Variants in NFS1 observed in about 807,000 individuals in gnomAD.
NFS1 encodes the protein NFS1 cysteine desulfurase.
NFS1 carries 26 observed loss-of-function variants against 57.3 expected under a neutral mutation model. The ratio of observed to expected loss-of-function variants is 0.45; its 90% CI spans 0.33 to 0.63. The LOEUF is 0.63. Ranked by LOEUF, NFS1 falls within the 20% of genes least tolerant of loss-of-function variation. The pLI is 0.02. For synonymous variants in NFS1, 209 were observed against 216.3 expected, an observed-to-expected ratio of 0.97 and a Z score of 0.30; for missense variants, 505 against 605.8, an observed-to-expected ratio of 0.83 and a Z score of 1.75.
intron 6 of NFS1, among the ~76,000 whole-genome samples, chr20:35,681,436 G>A (rs1056117463): frequency 6.6e-6 from 1 of 152,210 alleles, no homozygotes; most frequent in Non-Finnish European, 1.5e-5. Flanking sequence ...AGTGGCTCAC[G>A]CCTGTAATCC....
intron 4 of NFS1, among the ~76,000 whole-genome samples, chr20:35,694,333 CG>C (rs1456717272): frequency 5.9e-5 from 9 of 151,884 alleles, no homozygotes; most frequent in South Asian, 2.1e-4. Flanking sequence ...TTAGTAGAGA[CG>C]GGGTTTTACC....
intron 10 of NFS1, 104 bp from the exon 11 acceptor site, chr20:35,673,788 C>A: frequency 1.2e-6 from 1 of 817,222 alleles, no homozygotes; most frequent in East Asian, 2.6e-5. Context: ...GAGTCATACC[C>A]TGGAGAAAAC....
rs919674815 is a variant in NFS1 at position 35,668,843 on chromosome 20, T to G, written c.*779A>C. 1 of 152,212 alleles carries G rather than the reference T, an allele frequency of 6.6e-6. No homozygotes were observed. Among genetic ancestry groups the G allele is most frequent in the African/African-American group, 2.4e-5 (1 of 41,460 alleles). The allele number at this position is 152,212 out of a possible 1,614,324, so 9.4% of individuals were successfully genotyped here. A position where few individuals can be genotyped will look rare whatever the true frequency, so the allele number is the denominator to read the frequency against. On this transcript the variant is annotated 3_prime_UTR_variant, in exon 13 of 13. Transcript: ENST00000374092. The stretch of plus-strand genomic sequence containing the variant: ...CTCCTGGCAGGCATTCAAATAATTC[T>G]TAAATGAAGAGATACAAAAGCCCAC...
At chr20:35,678,176 C>T (rs564385387) in intron 7 of NFS1, among the ~76,000 whole-genome samples, 224 of 150,954 alleles carry the variant, frequency 1.5e-3, no homozygotes, top group African/African-American at 2.7e-3. Flanking sequence ...AGTGAAACCC[C>T]GTCTCTACAA....
chr20:35,683,781 A>G (rs1431888853), intron 5 of NFS1, among the ~76,000 whole-genome samples: 1 of 128,310 alleles, frequency 7.8e-6, no homozygotes, highest in South Asian at 2.5e-4. Context: ...ACAGAGTGAG[A>G]CTCCATCTCA....
chr20:35,683,604 C>A (rs1333215212), intron 5 of NFS1, among the ~76,000 whole-genome samples: 1 of 151,190 alleles, frequency 6.6e-6, no homozygotes, highest in Non-Finnish European at 1.5e-5. Context: ...CATGGTGAAA[C>A]CTTGTCTCTA....
Position 35,699,331 on chromosome 20 carries a change from T to G in NFS1, c.-43A>C, listed in dbSNP as rs1555885330. The G allele has an allele frequency of 7.2e-6, 10 of 1,397,004 alleles. No individual in the cohort carries two copies. The highest frequency in any genetic ancestry group is 9.3e-6 in the Non-Finnish European group (10 of 1,078,966). 86.5% of individuals were successfully genotyped at this position (1,397,004 alleles called of 1,614,324 possible). On this transcript the variant is annotated 5_prime_UTR_variant, in exon 1 of 13. Transcript: ENST00000374092. This position sits in a 1 kb window ranked among gnomAD's most constrained non-coding sequence, Gnocchi z 4.4. ...CCACCTTCCGAAGCCGCTGCAGTCCTGGGCCCCAGGCTCCCGGAAGTGCTG... is the reference window on the plus strand; with the variant it reads ...CCACCTTCCGAAGCCGCTGCAGTCCGGGGCCCCAGGCTCCCGGAAGTGCTG...
chr20:35,680,902 C>T (rs1417353361), intron 6 of NFS1, 31 bp from the exon 7 acceptor site: 1 of 1,450,512 alleles, frequency 6.9e-7, no homozygotes, highest in East Asian at 2.6e-5. Flanking sequence ...ACCCACAGCA[C>T]AATGTTGGAA....
At chr20:35,677,672 G>A (rs2034777129) in intron 7 of NFS1, among the ~76,000 whole-genome samples, 1 of 152,202 alleles carries the variant, frequency 6.6e-6, no homozygotes, top group Admixed American at 6.6e-5. Context: ...AATAGAATTG[G>A]CACTTGACAG....
chr20:35,686,102 G>A (rs1479262828), intron 5 of NFS1, among the ~76,000 whole-genome samples: 1 of 150,712 alleles, frequency 6.6e-6, no homozygotes, highest in African/African-American at 2.4e-5. Context: ...GCTAATTTTT[G>A]TATTTTTTAG....
At position 35,697,646 on chromosome 20, in the gene NFS1, C is replaced by G. The variant is rs1425260283; in HGVS notation, c.324+38G>C. 3.5e-6 allele frequency: 5 copies of G among 1,438,508 alleles called. No homozygotes were observed. In the East Asian group the frequency reaches 9.3e-5, roughly 27 times the overall value. The allele number at this position is 1,438,508 out of a possible 1,614,324, so 89.1% of individuals were successfully genotyped here. On this transcript the variant is annotated intron_variant, in intron 3 of 12. Coordinates refer to ENST00000374092, the MANE Select transcript of NFS1 (RefSeq NM_021100.5). ...ATGCCTCCCACAGGCCACTGCCCCTCTTTGACCTTAGAACCTCCTAGACTC... is the reference window on the plus strand; with the variant it reads ...ATGCCTCCCACAGGCCACTGCCCCTGTTTGACCTTAGAACCTCCTAGACTC...
At chr20:35,684,936 G>A (rs956295211) in intron 5 of NFS1, among the ~76,000 whole-genome samples, 1 of 151,270 alleles carries the variant, frequency 6.6e-6, no homozygotes, top group African/African-American at 2.5e-5. Flanking sequence ...TTCCCAAGGT[G>A]GAGTGCAGTG....
chr20:35,670,679 G>A (rs1601514617), intron 12 of NFS1, among the ~76,000 whole-genome samples: 1 of 152,242 alleles, frequency 6.6e-6, no homozygotes, highest in African/African-American at 2.4e-5. Flanking sequence ...TTTGTAAAGG[G>A]TCAGAAGGAA....
Position 35,675,221 on chromosome 20 carries a change from T to C in NFS1, c.791-19A>G. 1 of 1,573,714 alleles carries C rather than the reference T, an allele frequency of 6.4e-7. No individual in the cohort carries two copies. Among genetic ancestry groups the C allele is most frequent in the Non-Finnish European group, 8.6e-7 (1 of 1,156,810 alleles). ...CCAACCCCTGGGAAACAAAATTTGT[T>C]ACAAAAAACAGAAAGAGAGAAAAGT... On this transcript the variant is annotated intron_variant, in intron 7 of 12. Coordinates refer to ENST00000374092, the MANE Select transcript of NFS1 (RefSeq NM_021100.5).
chr20:35,690,322 C>T, intron 5 of NFS1, 91 bp downstream of exon 5: 1 of 1,272,576 alleles, frequency 7.9e-7, no homozygotes, highest in East Asian at 2.3e-5. Flanking sequence ...AGATCTATTC[C>T]TTCAAGCTCC....
intron 5 of NFS1, among the ~76,000 whole-genome samples, chr20:35,689,596 G>A (rs369935536): frequency 2.2e-4 from 34 of 151,208 alleles, no homozygotes; most frequent in African/African-American, 7.8e-4. Flanking sequence ...GTGAAACCCC[G>A]TCTCTACTAA....
rs112782551 is a variant in NFS1 at position 35,672,502 on chromosome 20, C to T, written c.1310+253G>A. Among the ~76,000 whole-genome samples the T allele has an allele frequency of 0.043, 6,536 of 152,228 alleles. 159 individuals are homozygous for T. The highest frequency in any genetic ancestry group is 0.072 in the African/African-American group (2,979 of 41,522). ...CTGACCTCAGGTGATCTGTCCGCCT[C>T]GGCTTCCCAAAGTGCTAGGATTACA... is the stretch of plus-strand genomic sequence containing the variant. On this transcript the variant is annotated intron_variant, in intron 12 of 12. Transcript: ENST00000374092.
intron 7 of NFS1, chr20:35,675,912 TGACACCATAAAATC>T (rs2034733396): frequency 6.7e-6 from 1 of 148,544 alleles, no homozygotes; most frequent in African/African-American, 2.5e-5. Context: ...TGTTCTGAAC[TGACACCATAAAATC>T]TCCAAGATAC....
chr20:35,678,207 T>C (rs990504481), intron 7 of NFS1, among the ~76,000 whole-genome samples: 4 of 150,254 alleles, frequency 2.7e-5, no homozygotes, highest in Non-Finnish European at 4.4e-5. Flanking sequence ...AAAAAAAAAT[T>C]AGCCGGGCGT....
Sources: allele counts gnomAD v4.1 joint callset (sites outside exome capture counted in the v4.1 genomes callset), GRCh38; gene constraint gnomAD v4.1.1; non-coding constraint Gnocchi (gnomAD v3.1); transcripts MANE v1.5; gene names NCBI Gene and HGNC (gene_info 2026-07-23, HGNC 2026-07-21).